Variants in RYR1 observed in about 807,000 individuals in gnomAD.
RYR1 encodes the protein ryanodine receptor 1.
Under a neutral mutation model 583.5 loss-of-function variants are expected in RYR1, and 342 were observed. The observed-to-expected ratio is 0.59, with a 90% confidence interval of 0.54 to 0.64. The LOEUF (loss-of-function observed/expected upper bound fraction) is 0.64. Among genes scored for constraint, RYR1 ranks in the 30% least tolerant of loss-of-function variants. The probability of loss-of-function intolerance (pLI) is 0.00; values close to 1 mark genes in which losing one functional copy is unlikely to be tolerated. For synonymous variants in RYR1, 2,791 were observed against 2,822.5 expected, an observed-to-expected ratio of 0.99 and a Z score of 0.35; for missense variants, 6,032 against 6,917.2, an observed-to-expected ratio of 0.87 and a Z score of 4.54.
intron 25 of RYR1, 80 bp from the exon 26 acceptor site, chr19:38,468,886 A>G (rs1455565781): frequency 2.8e-6 from 4 of 1,453,294 alleles, no homozygotes; most frequent in South Asian, 1.2e-5. Context: ...GTCTTCATAT[A>G]TCTCTCCCTC....
chr19:38,520,745 T>TTGG (rs1174518804), intron 67 of RYR1, among the ~76,000 whole-genome samples: 1 of 149,870 alleles, frequency 6.7e-6, no homozygotes, highest in Non-Finnish European at 1.5e-5. Flanking sequence ...CTCTTTTGTC[T>TTGG]TGGTGGTCGT....
chr19:38,502,792 C>CAGGGGCAGGGGGAGGGGGAGGGGG lies in RYR1; in HGVS notation c.7835+76_7836-76insGAGGGGGAGGGGGAGGGGCAGGGG. 3.7e-5 allele frequency: 25 copies of CAGGGGCAGGGGGAGGGGGAGGGGG among 679,024 alleles called. 1 individual carries two copies. The South Asian group carries it at 5.3e-4, about 14-fold the overall frequency. The allele number at this position is 679,024 out of a possible 1,614,324, so 42.1% of individuals were successfully genotyped here. Reference sequence around the variant, plus strand: ...GCAGGGGCAGGGGCAGGGGCAGGGGCAGGGGCAGGGGCAGGGGGAGGAGCA... The same window carrying CAGGGGCAGGGGGAGGGGGAGGGGG: ...GCAGGGGCAGGGGCAGGGGCAGGGGCAGGGGCAGGGGGAGGGGGAGGGGGAGGGGCAGGGGCAGGGGGAGGAGCA... On this transcript the variant is annotated intron_variant, in intron 48 of 105. Coordinates refer to ENST00000359596, the MANE Select transcript of RYR1 (RefSeq NM_000540.3).
intron 29 of RYR1, 127 bp from the exon 30 acceptor site, chr19:38,477,583 C>T: frequency 8.8e-7 from 1 of 1,142,464 alleles, no homozygotes; most frequent in Non-Finnish European, 1.3e-6. Flanking sequence ...GTGGGGGACT[C>T]AGATCCAACA....
chr19:38,473,296 T>C, intron 27 of RYR1, 81 bp from the exon 28 acceptor site: 1 of 1,544,200 alleles, frequency 6.5e-7, no homozygotes, highest in South Asian at 1.1e-5. Context: ...TAATGGTGGC[T>C]CCGTGTGTGA....
intron 68 of RYR1, 27 bp from the exon 69 acceptor site, chr19:38,523,190 G>T: frequency 1.2e-6 from 2 of 1,614,134 alleles, no homozygotes; most frequent in African/African-American, 1.3e-5. Context: ...TCACCTGTCC[G>T]GTCTGCAACA....
rs754727213 is a variant in RYR1, at chr19:38,444,545, T to C, written c.538-39T>C. Reference sequence around the variant, plus strand: ...TGACGCTGGGACTCTCGCCCACCCCTGCAATCGTCTCTGACTGCCGCATCC... The same window carrying C: ...TGACGCTGGGACTCTCGCCCACCCCCGCAATCGTCTCTGACTGCCGCATCC... On this transcript the variant is annotated intron_variant, in intron 6 of 105. Transcript: ENST00000359596. This position sits in a 1 kb window ranked among gnomAD's most constrained non-coding sequence, Gnocchi z 5.1. 7.6e-6 allele frequency: 12 copies of C among 1,581,334 alleles called. No homozygotes were observed. The highest frequency in any genetic ancestry group is 1.0e-5 in the Non-Finnish European group (12 of 1,153,936).
chr19:38,530,570 G>A (rs1212746099), intron 76 of RYR1, among the ~76,000 whole-genome samples: 2 of 151,406 alleles, frequency 1.3e-5, no homozygotes, highest in Non-Finnish European at 2.9e-5. Flanking sequence ...GCGCCTGTCA[G>A]GGATTTGTTT....
At chr19:38,584,269 A>G (rs1471564268) in intron 101 of RYR1, among the ~76,000 whole-genome samples, 3 of 34,938 alleles carry the variant, frequency 8.6e-5, no homozygotes, top group African/African-American at 3.5e-4. Flanking sequence ...GTGCCCCCCT[A>G]TCCTGGCCCT....
chr19:38,475,581 A>G, intron 29 of RYR1, 131 bp downstream of exon 29: 4 of 1,139,536 alleles, frequency 3.5e-6, no homozygotes, highest in African/African-American at 1.5e-5. Context: ...TACACTAGAA[A>G]CTCATAAAAT....
intron 84 of RYR1, among the ~76,000 whole-genome samples, chr19:38,541,073 C>T (rs2087697504): frequency 6.6e-6 from 1 of 152,204 alleles, no homozygotes; most frequent in Non-Finnish European, 1.5e-5. Flanking sequence ...ATCAGACAGA[C>T]GTTCATGAAT....
At chr19:38,447,963 G>T (rs939380567) in intron 9 of RYR1, among the ~76,000 whole-genome samples, 4 of 151,928 alleles carry the variant, frequency 2.6e-5, no homozygotes. Flanking sequence ...TAAAATGATG[G>T]GGGAATTTAG....
intron 18 of RYR1, 138 bp downstream of exon 18, chr19:38,458,430 C>T (rs1030209921): frequency 2.4e-6 from 2 of 836,998 alleles, no homozygotes; most frequent in East Asian, 2.4e-5. Flanking sequence ...TCCTCATTTC[C>T]CAAGACCCTA....
intron 9 of RYR1, 151 bp downstream of exon 9, chr19:38,446,919 C>T (rs920067733): frequency 3.4e-5 from 22 of 655,398 alleles, no homozygotes; most frequent in Non-Finnish European, 5.7e-5. Flanking sequence ...ATGAAAATCT[C>T]GGCCAGGCGT....
In RYR1 at chr19:38,525,341, T is replaced by G. The variant is rs763135465; in HGVS notation, c.10465T>G (p.Ser3489Ala). The G allele has an allele frequency of 5.6e-6, 9 of 1,612,612 alleles. No homozygotes were observed. Among genetic ancestry groups the G allele is most frequent in the Non-Finnish European group, 7.6e-6 (9 of 1,179,530 alleles). ...CCCTGTGTCCCCACAGTCCGGTGGC[T>G]CGGACCAGGAACGCACCAAGAAGAA... ...AKAGDIQSGGSDQERTKKKRR... is the reference protein window; with the variant it reads ...AKAGDIQSGGADQERTKKKRR... Residue 3489 changes from serine (S) to alanine (A), a missense_variant, in exon 71 of 106, where the codon TCG (serine) becomes GCG (alanine). Physicochemically the swap from Ser to Ala is moderately conservative, Grantham distance 99. Around this residue, in one of 11 missense-constraint regions of RYR1, gnomAD observed 1,493 missense variants for 1,715.5 expected, o/e 0.87. Coordinates refer to ENST00000359596, the MANE Select transcript of RYR1 (RefSeq NM_000540.3).
In RYR1 at chr19:38,570,620, G is replaced by A. The variant is rs118192130; in HGVS notation, c.13673G>A (p.Arg4558Gln). 58 of 1,613,898 alleles carry A rather than the reference G, an allele frequency of 3.6e-5. No individual in the cohort carries two copies. The highest frequency in any genetic ancestry group is 1.7e-4 in the Middle Eastern group (1 of 6,056). The change falls in exon 94 of 106, where the codon CGG becomes CAG. Residue 4558 changes from arginine (R) to glutamine (Q), a missense_variant. Transcript: ENST00000359596. ...QRVKFLNYLS[R>Q]NFYTLRFLAL... ...CTTCTCTCTCAGAACTACCTGTCCC[G>A]GAACTTTTACACCCTGCGGTTCCTT...
Position 38,565,998 on chromosome 19 carries a change from C to CA in RYR1, c.13437+228dup, listed in dbSNP as rs1330729131. Among the ~76,000 whole-genome samples, 6 of 151,820 alleles carry CA rather than the reference C, an allele frequency of 4.0e-5. No individual in the cohort carries two copies. Among genetic ancestry groups the CA allele is most frequent in the Non-Finnish European group, 8.8e-5 (6 of 67,982 alleles). On this transcript the variant is annotated intron_variant, in intron 91 of 105. Coordinates refer to ENST00000359596, the MANE Select transcript of RYR1 (RefSeq NM_000540.3). This position sits in a 1 kb window ranked among gnomAD's most constrained non-coding sequence, Gnocchi z 4.7. The stretch of plus-strand genomic sequence containing the variant: ...ACTCAGACCCACAGAGAAAGAGACT[C>CA]AGAGATGGAGACCTGGAGAAAGGGC...
rs1371461010 is a variant in RYR1, at chr19:38,505,336, A to C, written c.8338A>C (p.Asn2780His). ...KIQNNWSYGE[N>H]IDEELKTHPM... ...CCAGAACAACTGGTCCTATGGAGAG[A>C]ACATAGACGAGGAGCTGAAGACCCA... The change falls in exon 53 of 106, where the codon AAC becomes CAC. Residue 2780 changes from asparagine to histidine, a missense_variant. Asn to His is a moderately conservative substitution (Grantham distance 68). Coordinates refer to ENST00000359596, the MANE Select transcript of RYR1 (RefSeq NM_000540.3). 1.2e-6 allele frequency: 2 copies of C among 1,612,278 alleles called. No homozygotes were observed. The highest frequency in any genetic ancestry group is 2.2e-5 in the South Asian group (2 of 90,690).
At chr19:38,537,238 TC>T (rs1972012418) in intron 83 of RYR1, 4 of 222,518 alleles carry the variant, frequency 1.8e-5, no homozygotes, top group Admixed American at 5.6e-5. Flanking sequence ...GCCTGCCTCC[TC>T]TGCGCCTGCC....
At position 38,512,557 on chromosome 19, in the gene RYR1, GA is replaced by G; in HGVS notation, c.9472+75del. 2 of 1,360,886 alleles carry G rather than the reference GA, an allele frequency of 1.5e-6. No individual in the cohort carries two copies. Among genetic ancestry groups the G allele is most frequent in the Non-Finnish European group, 2.1e-6 (2 of 962,998 alleles). 84.3% of individuals were successfully genotyped at this position (1,360,886 alleles called of 1,614,324 possible). A position where few individuals can be genotyped will look rare whatever the true frequency, so the allele number is the denominator to read the frequency against. On this transcript the variant is annotated intron_variant, in intron 63 of 105. Coordinates refer to ENST00000359596, the MANE Select transcript of RYR1 (RefSeq NM_000540.3). The surrounding 1 kb of genome is among the most constrained non-coding windows in gnomAD (Gnocchi z 5.1). ...ACACCACCCATCCGGGTGCCTGTGA[GA>G]GTCCCTGGGTGTTTGAATGTGTGGA...
Sources: allele counts gnomAD v4.1 joint callset (sites outside exome capture counted in the v4.1 genomes callset), GRCh38; gene constraint gnomAD v4.1.1; regional missense constraint gnomAD v4.1.1; non-coding constraint Gnocchi (gnomAD v3.1); transcripts MANE v1.5; gene names NCBI Gene and HGNC (gene_info 2026-07-23, HGNC 2026-07-21).